MAST3: variants seen among roughly 807,000 people sequenced by gnomAD.
MAST3 encodes microtubule-associated serine/threonine-protein kinase 3.
MAST3 carries 43 observed loss-of-function variants against 127.0 expected under a neutral mutation model. That is an observed-to-expected ratio of 0.34 (90% CI 0.27 to 0.44). MAST3 has a LOEUF of 0.44. Ranked by LOEUF, MAST3 falls within the 20% of genes least tolerant of loss-of-function variation. MAST3 has a pLI of 1.00. For missense variants in MAST3, 1,390 were observed against 1,919.1 expected, an observed-to-expected ratio of 0.72 and a Z score of 5.15; for synonymous variants, 785 against 809.2, an observed-to-expected ratio of 0.97 and a Z score of 0.51.
At chr19:18,111,529 A>ATTTTTTTTTTTTTTTT in intron 3 of MAST3, among the ~76,000 whole-genome samples, 1 of 83,736 alleles carries the variant, frequency 1.2e-5, no homozygotes, top group African/African-American at 6.4e-5. Flanking sequence ...CTTTCCACAG[A>ATTTTTTTTTTTTTTTT]CTTTTTTTTT....
intron 3 of MAST3, among the ~76,000 whole-genome samples, chr19:18,114,941 G>A (rs140546777): frequency 4.4e-4 from 67 of 152,240 alleles, no homozygotes; most frequent in African/African-American, 1.5e-3. Context: ...CCACTAAAAA[G>A]GGACCGTTGA....
At chr19:18,134,460 G>A in intron 15 of MAST3, 119 bp from the exon 16 acceptor site, 1 of 1,365,694 alleles carries the variant, frequency 7.3e-7, no homozygotes, top group Non-Finnish European at 9.7e-7. Context: ...AGGATCGCTA[G>A]GGCCCAGGAG....
chr19:18,115,042 C>T (rs2039071280), intron 3 of MAST3, among the ~76,000 whole-genome samples: 1 of 152,124 alleles, frequency 6.6e-6, no homozygotes, highest in Non-Finnish European at 1.5e-5. Context: ...CAGAGTTTGT[C>T]AGGGACAGGG....
At position 18,128,435 on chromosome 19, in the gene MAST3, C is replaced by T; in HGVS notation, c.1114C>T (p.Pro372Ser). Reference sequence around the variant, plus strand: ...ACTGAGTCACCTCGAAGAAGAACAGCCCCCAGCACCTGAGTCCCCAGAGGT... The same window carrying T: ...ACTGAGTCACCTCGAAGAAGAACAGTCCCCAGCACCTGAGTCCCCAGAGGT... ...VPLSHLEEEQPPAPESPESRA... is the reference protein window; with the variant it reads ...VPLSHLEEEQSPAPESPESRA... The change falls in exon 12 of 28, where the codon CCC becomes TCC. Residue 372 changes from proline to serine, a missense_variant. Physicochemically the swap from Pro to Ser is moderately conservative, Grantham distance 74. Coordinates refer to ENST00000687212, the MANE Select transcript of MAST3 (RefSeq NM_001393504.1). The T allele has an allele frequency of 6.4e-7, 1 of 1,556,908 alleles. No individual in the cohort carries two copies. The highest frequency in any genetic ancestry group is 8.7e-7 in the Non-Finnish European group (1 of 1,150,422).
intron 13 of MAST3, among the ~76,000 whole-genome samples, chr19:18,129,616 T>C (rs1482051820): frequency 6.6e-6 from 1 of 152,164 alleles, no homozygotes. Flanking sequence ...AACAAACGGA[T>C]GTGTAAAACT....
chr19:18,146,374 G>A (rs1221913490), intron 25 of MAST3, among the ~76,000 whole-genome samples: 1 of 152,210 alleles, frequency 6.6e-6, no homozygotes, highest in Non-Finnish European at 1.5e-5. Context: ...GGGCCGAGGA[G>A]GTTGAGGCCA....
rs769976720 is a variant in MAST3 at position 18,142,035 on chromosome 19, G to A, written c.2339+20G>A. Reference sequence around the variant, plus strand: ...CATCCGGTAAGTGGCCTGGGGAAGTGTAGGCAGATCCAGCTTCCAAGCCTG... The same window carrying A: ...CATCCGGTAAGTGGCCTGGGGAAGTATAGGCAGATCCAGCTTCCAAGCCTG... On this transcript the variant is annotated intron_variant, in intron 21 of 27. Coordinates refer to ENST00000687212, the MANE Select transcript of MAST3 (RefSeq NM_001393504.1). 9 of 1,432,542 alleles carry A rather than the reference G, an allele frequency of 6.3e-6. No individual in the cohort carries two copies. Among genetic ancestry groups the A allele is most frequent in the Non-Finnish European group, 8.4e-6 (9 of 1,077,816 alleles). The allele number at this position is 1,432,542 out of a possible 1,614,324, so 88.7% of individuals were successfully genotyped here. A position where few individuals can be genotyped will look rare whatever the true frequency, so the allele number is the denominator to read the frequency against.
chr19:18,140,553 T>C (rs1288058941), intron 20 of MAST3, among the ~76,000 whole-genome samples: 1 of 152,180 alleles, frequency 6.6e-6, no homozygotes, highest in Admixed American at 6.5e-5. Flanking sequence ...TGGATTTGCC[T>C]GTTCTGGGCA....
At chr19:18,107,473 G>A (rs530653990) in intron 1 of MAST3, 114 bp from the exon 2 acceptor site, 49 of 1,059,388 alleles carry the variant, frequency 4.6e-5, no homozygotes, top group Non-Finnish European at 6.8e-5. Context: ...TAGAGTGAGC[G>A]GGAAAGATGC....
At position 18,112,406 on chromosome 19, in the gene MAST3, C is replaced by G. The variant is rs887218800; in HGVS notation, c.161+1665C>G. 6.6e-6 allele frequency among the ~76,000 whole-genome samples: 1 copy of G among 152,184 alleles called. No individual in the cohort carries two copies. Among genetic ancestry groups the G allele is most frequent in the African/African-American group, 2.4e-5 (1 of 41,432 alleles). On this transcript the variant is annotated intron_variant, in intron 3 of 27. Coordinates refer to ENST00000687212, the MANE Select transcript of MAST3 (RefSeq NM_001393504.1). The surrounding 1 kb of genome is among the most constrained non-coding windows in gnomAD (Gnocchi z 4.1). ...CTGGAGTCCAGTGGTACCATCTTGG[C>G]TCACTGCAACCTCCGCCTCCTAGGT...
rs1165200478 is a variant in MAST3, at chr19:18,151,419, G to A, written c.*1693G>A. The A allele has an allele frequency of 6.6e-6, 1 of 152,208 alleles. No individual in the cohort carries two copies. Among genetic ancestry groups the A allele is most frequent in the African/African-American group, 2.4e-5 (1 of 41,450 alleles). 9.4% of individuals were successfully genotyped at this position (152,208 alleles called of 1,614,324 possible). A position where few individuals can be genotyped will look rare whatever the true frequency, so the allele number is the denominator to read the frequency against. On this transcript the variant is annotated 3_prime_UTR_variant, in exon 28 of 28. Transcript: ENST00000687212. ...CAGAACGGAGCATCAGCCAGACCCT[G>A]TTGTGGGCGTTGTCATCAAGGGAGC...
chr19:18,127,727 C>T (rs925149738), intron 11 of MAST3, among the ~76,000 whole-genome samples: 1 of 152,048 alleles, frequency 6.6e-6, no homozygotes, highest in Non-Finnish European at 1.5e-5. Flanking sequence ...GGCATGGTGG[C>T]ACACGCCTGT....
chr19:18,119,702 C>T (rs7245797), intron 3 of MAST3, among the ~76,000 whole-genome samples: 6,400 of 152,278 alleles, frequency 0.042, 425 homozygotes, highest in African/African-American at 0.15. Context: ...TGGTAGGTTT[C>T]ATCCTTCAAG....
intron 1 of MAST3, among the ~76,000 whole-genome samples, chr19:18,104,186 A>G: frequency 1.4e-5 from 1 of 69,144 alleles, no homozygotes; most frequent in Non-Finnish European, 3.1e-5. Flanking sequence ...TCTCAAAAAA[A>G]AAAAAAAAAA....
intron 27 of MAST3, among the ~76,000 whole-genome samples, chr19:18,148,786 C>A (rs1483571550): frequency 3.3e-5 from 5 of 152,052 alleles, no homozygotes. Context: ...GCCTGTAGTC[C>A]CAGTTACTTA....
chr19:18,105,782 C>A (rs1377655998), intron 1 of MAST3, among the ~76,000 whole-genome samples: 2 of 152,154 alleles, frequency 1.3e-5, no homozygotes. Flanking sequence ...ATCCTTCATG[C>A]GGTGAGGGCA....
At position 18,134,807 on chromosome 19, in the gene MAST3, C is replaced by T; in HGVS notation, c.1705-10C>T. 14 of 1,613,946 alleles carry T rather than the reference C, an allele frequency of 8.7e-6. No homozygotes were observed. The highest frequency in any genetic ancestry group is 1.2e-5 in the Non-Finnish European group (14 of 1,179,872). ...GGCTGGCCTCAGTTTCCCCGTTCTC[C>T]CTGGCCCAGGTGTGTGGGACGCCGG... On this transcript the variant is annotated splice_polypyrimidine_tract_variant and intron_variant, in intron 16 of 27. Transcript: ENST00000687212.
rs1568568293 is a variant in MAST3 at position 18,123,205 on chromosome 19, ACT to A, written c.400-7_400-6del. 15 of 1,612,634 alleles carry A rather than the reference ACT, an allele frequency of 9.3e-6. No homozygotes were observed. Among genetic ancestry groups the A allele is most frequent in the Non-Finnish European group, 1.3e-5 (15 of 1,179,726 alleles). On this transcript the variant is annotated splice_polypyrimidine_tract_variant and intron_variant, in intron 6 of 27. Coordinates refer to ENST00000687212, the MANE Select transcript of MAST3 (RefSeq NM_001393504.1). Reference sequence around the variant, plus strand: ...TGAACTCATGGCTCTGATCCCCACCACTCTCTACCAGTCAAGCTCATCCTCCC... The same window carrying A: ...TGAACTCATGGCTCTGATCCCCACCACTCTACCAGTCAAGCTCATCCTCCC...
At position 18,110,873 on chromosome 19, in the gene MAST3, C is replaced by G. The variant is rs1295081374; in HGVS notation, c.161+132C>G. On this transcript the variant is annotated intron_variant, in intron 3 of 27. Coordinates refer to ENST00000687212, the MANE Select transcript of MAST3 (RefSeq NM_001393504.1). This position sits in a 1 kb window ranked among gnomAD's most constrained non-coding sequence, Gnocchi z 4.3. ...CATCACCTCTCTGGGCCTCAGTTTA[C>G]CCCTCCACATAATGGCACTGCGATA... 1 of 227,064 alleles carries G rather than the reference C, an allele frequency of 4.4e-6. No individual in the cohort carries two copies. The highest frequency in any genetic ancestry group is 7.3e-6 in the Non-Finnish European group (1 of 136,330). The allele number at this position is 227,064 out of a possible 1,614,324, so 14.1% of individuals were successfully genotyped here.
Sources: gnomAD v4.1 joint callset for allele counts (sites outside exome capture counted in the v4.1 genomes callset) on GRCh38, gnomAD v4.1.1 for gene constraint, Gnocchi (gnomAD v3.1) non-coding constraint, MANE v1.5 for transcripts, NCBI Gene and HGNC (gene_info 2026-07-23, HGNC 2026-07-21) for gene names.